The following ANHX variants were observed in gnomAD, a reference collection of about 807,000 sequenced individuals.
ANHX encodes anomalous homeobox protein.
ANHX carries 20 observed loss-of-function variants against 38.9 expected under a neutral mutation model. That is an observed-to-expected ratio of 0.51 (90% CI 0.36 to 0.75). The LOEUF (loss-of-function observed/expected upper bound fraction) is 0.75. ANHX is among the 30% of genes least tolerant of loss of function. ANHX has a pLI of 0.00. For missense variants in ANHX, 475 were observed against 493.1 expected (o/e 0.96, Z 0.35); for synonymous variants, 185 against 203.1 (o/e 0.91, Z 0.76).
chr12:133,229,114 C>T (rs1452886051), intron 3 of ANHX, among the ~76,000 whole-genome samples: 1 of 152,154 alleles, frequency 6.6e-6, no homozygotes, highest in African/African-American at 2.4e-5. Context: ...GCTGCAAAGT[C>T]CCAGAGGTCT....
intron 7 of ANHX, among the ~76,000 whole-genome samples, chr12:133,224,747 T>C (rs149117540): frequency 0.83 from 120,875 of 145,860 alleles, 50,638 homozygotes; most frequent in African/African-American, 0.95. Flanking sequence ...GGGCGGATCA[T>C]GAGGTCAGGA....
At chr12:133,229,364 C>G (rs1201639121) in intron 3 of ANHX, among the ~76,000 whole-genome samples, 2 of 152,172 alleles carry the variant, frequency 1.3e-5, no homozygotes, top group Non-Finnish European at 2.9e-5. Context: ...ACTTGGACAT[C>G]TAAAATGCAT....
chr12:133,223,500 C>T (rs1257608858), intron 7 of ANHX, among the ~76,000 whole-genome samples: 1 of 146,234 alleles, frequency 6.8e-6, no homozygotes, highest in Non-Finnish European at 1.5e-5. Context: ...GGCTGGAGTG[C>T]AGTAGCGCAA....
chr12:133,226,163 C>A (rs1282218237), intron 6 of ANHX, among the ~76,000 whole-genome samples, 155 bp downstream of exon 6: 1 of 152,206 alleles, frequency 6.6e-6, no homozygotes, highest in African/African-American at 2.4e-5. Flanking sequence ...CTGACGTGGG[C>A]TCCTTGCTGG....
intron 8 of ANHX, 32 bp from the exon 9 acceptor site, chr12:133,219,399 A>G (rs1206873247): frequency 4.2e-6 from 6 of 1,431,692 alleles, no homozygotes; most frequent in Middle Eastern, 1.8e-4. Flanking sequence ...AATAGGCCCT[A>G]TCTCAAGGGG....
chr12:133,230,747 C>G (rs1957259443), intron 3 of ANHX, among the ~76,000 whole-genome samples: 1 of 124,086 alleles, frequency 8.1e-6, no homozygotes, highest in East Asian at 2.7e-4. Flanking sequence ...GGCAACAGAG[C>G]AAGACCCTGT....
At chr12:133,227,778 G>A (rs1355784743) in intron 4 of ANHX, 46 bp downstream of exon 4, 3 of 1,531,894 alleles carry the variant, frequency 2.0e-6, no homozygotes, top group Non-Finnish European at 2.6e-6. Flanking sequence ...GGACAGGGAG[G>A]CACCAGGCAG....
chr12:133,219,493 T>G, intron 8 of ANHX, 126 bp from the exon 9 acceptor site: 1 of 650,444 alleles, frequency 1.5e-6, no homozygotes, highest in Non-Finnish European at 2.6e-6. Flanking sequence ...CAGAACAGAC[T>G]CTCTTCCTGC....
At chr12:133,223,770 A>C (rs1386259496) in intron 7 of ANHX, among the ~76,000 whole-genome samples, 1 of 152,002 alleles carries the variant, frequency 6.6e-6, no homozygotes, top group African/African-American at 2.4e-5. Flanking sequence ...TTTAAGATTA[A>C]AGTCTTAACA....
chr12:133,224,713 C>A (rs895324646), intron 7 of ANHX, among the ~76,000 whole-genome samples: 4 of 147,226 alleles, frequency 2.7e-5, no homozygotes, highest in Admixed American at 1.4e-4. Flanking sequence ...CGCCTGTAAT[C>A]CCAGCACTTT....
intron 2 of ANHX, among the ~76,000 whole-genome samples, chr12:133,233,756 A>G (rs1048555273): frequency 6.6e-6 from 1 of 152,184 alleles, no homozygotes; most frequent in Non-Finnish European, 1.5e-5. Flanking sequence ...CCGGGGAATG[A>G]GAAGGGGTCT....
At position 133,218,867 on chromosome 12, in the gene ANHX, C is replaced by G. The variant is rs369420171; in HGVS notation, c.*18G>C. The stretch of plus-strand genomic sequence containing the variant: ...ACACCCGCTCCTCCTGGGGTGCTGT[C>G]TGGCTCCTGGGGATAGCTCAGCCCA... On this transcript the variant is annotated 3_prime_UTR_variant, in exon 10 of 10. Coordinates refer to ENST00000545940, the MANE Select transcript of ANHX (RefSeq NM_001372060.1). The G allele has an allele frequency of 4.9e-4, 729 of 1,488,548 alleles. 4 individuals carry two copies. The African/African-American group carries it at 9.0e-3, about 18-fold the overall frequency. The allele number at this position is 1,488,548 out of a possible 1,614,324, so 92.2% of individuals were successfully genotyped here.
In ANHX at chr12:133,221,259, C is replaced by T; in HGVS notation, c.1226G>A (p.Ser409Asn). ...CAGTGGGGGCTGTGTCACCAGGAAGCTGCCCACCCGTAGCTCTGTCCGTCC... is the reference window on the plus strand; with the variant it reads ...CAGTGGGGGCTGTGTCACCAGGAAGTTGCCCACCCGTAGCTCTGTCCGTCC... Reference protein sequence around the residue: ...SSGRTELRVGSFLVTQPPLQA... With the variant: ...SSGRTELRVGNFLVTQPPLQA... Residue 409 changes from serine (S) to asparagine (N), a missense_variant, in exon 8 of 10, where the codon AGC becomes AAC. Ser to Asn is a conservative substitution (Grantham distance 46). Transcript: ENST00000545940. This position sits in a 1 kb window ranked among gnomAD's most constrained non-coding sequence, Gnocchi z 4.1. The T allele has an allele frequency of 6.5e-7, 1 of 1,536,090 alleles. No homozygotes were observed. The highest frequency in any genetic ancestry group is 8.7e-7 in the Non-Finnish European group (1 of 1,146,906).
chr12:133,230,908 T>A lies in ANHX; in HGVS notation c.377+609A>T, dbSNP rs531483701. Among the ~76,000 whole-genome samples, 16 of 152,284 alleles carry A rather than the reference T, an allele frequency of 1.1e-4. No homozygotes were observed. The South Asian group carries it at 3.3e-3, about 32-fold the overall frequency. ...TGATGATGGTGATAATAAAAATTAC[T>A]AGTAACATTTATTTAGTGCTGATAA... On this transcript the variant is annotated intron_variant, in intron 3 of 9. Coordinates refer to ENST00000545940, the MANE Select transcript of ANHX (RefSeq NM_001372060.1).
At chr12:133,223,810 C>T (rs906332743) in intron 7 of ANHX, among the ~76,000 whole-genome samples, 10 of 151,820 alleles carry the variant, frequency 6.6e-5, no homozygotes, top group South Asian at 2.1e-4. Flanking sequence ...CCCACAACCT[C>T]GGACCCTCAG....
Position 133,226,343 on chromosome 12 carries a change from T to C in ANHX, c.814A>G (p.Thr272Ala), listed in dbSNP as rs1234345413. The change falls in exon 6 of 10, where the codon ACA (threonine) becomes GCA (alanine). Residue 272 changes from threonine to alanine, a missense_variant. By Grantham distance (58) the Thr-to-Ala change is moderately conservative (BLOSUM62 0). Coordinates refer to ENST00000545940, the MANE Select transcript of ANHX (RefSeq NM_001372060.1). ...ALAPDFPADE[T>A]VSKPLDVRSL... Reference sequence around the variant, plus strand: ...CTGACATCCAGTGGCTTTGAGACTGTCTCATCTGCGGGAAAGTCCGGGGCT... The same window carrying C: ...CTGACATCCAGTGGCTTTGAGACTGCCTCATCTGCGGGAAAGTCCGGGGCT... The C allele has an allele frequency of 4.6e-6, 7 of 1,536,224 alleles. No individual in the cohort carries two copies.
At position 133,231,645 on chromosome 12, in the gene ANHX, C is replaced by T; in HGVS notation, c.250-1G>A. 1 of 1,535,994 alleles carries T rather than the reference C, an allele frequency of 6.5e-7. No homozygotes were observed. Among genetic ancestry groups the T allele is most frequent in the Non-Finnish European group, 8.7e-7 (1 of 1,146,908 alleles). On this transcript the variant is annotated splice_acceptor_variant, in intron 2 of 9. Coordinates refer to ENST00000545940, the MANE Select transcript of ANHX (RefSeq NM_001372060.1). LOFTEE classifies it high-confidence loss of function. ...GGCTGCCTCCCGGCACCTGGCACCC[C>T]TGCCAAGAAGAGTGTACTGAGCCCT... is the stretch of plus-strand genomic sequence containing the variant.
rs1446333056 is a variant in ANHX, at chr12:133,226,421, C to T, written c.736G>A (p.Gly246Arg). 4.6e-6 allele frequency: 7 copies of T among 1,534,726 alleles called. No homozygotes were observed. The South Asian group carries it at 7.1e-5, about 16-fold the overall frequency. Residue 246 changes from glycine to arginine, a missense_variant, in exon 6 of 10, where the codon GGG becomes AGG. By Grantham distance (125) the Gly-to-Arg change is moderately radical. Coordinates refer to ENST00000545940, the MANE Select transcript of ANHX (RefSeq NM_001372060.1). ...GTGGTCTGTGGGGACTGTGGAGGCC[C>T]CTTTTCCTCACGTTCCTCTGAAAGT... ...PQWSEEREEK[G>R]PPQSPQTTQG...
rs536200695 is a variant in ANHX, at chr12:133,231,456, T to G, written c.377+61A>C. 2.8e-5 allele frequency: 43 copies of G among 1,530,702 alleles called. No homozygotes were observed. In the South Asian group the frequency reaches 3.8e-4, roughly 14 times the overall value. The allele number at this position is 1,530,702 out of a possible 1,614,324, so 94.8% of individuals were successfully genotyped here. A position where few individuals can be genotyped will look rare whatever the true frequency, so the allele number is the denominator to read the frequency against. Reference sequence around the variant, plus strand: ...TGCTTCAGCCCCTCTGGGCTTTGCATGGTACATCTAATCCCTTGGGATCCC... The same window carrying G: ...TGCTTCAGCCCCTCTGGGCTTTGCAGGGTACATCTAATCCCTTGGGATCCC... On this transcript the variant is annotated intron_variant, in intron 3 of 9. Coordinates refer to ENST00000545940, the MANE Select transcript of ANHX (RefSeq NM_001372060.1).
Sources: allele counts gnomAD v4.1 joint callset (sites outside exome capture counted in the v4.1 genomes callset), GRCh38; gene constraint gnomAD v4.1.1; non-coding constraint Gnocchi (gnomAD v3.1); transcripts MANE v1.5; gene names NCBI Gene and HGNC (gene_info 2026-07-23, HGNC 2026-07-21).